The following COBL variants were observed in gnomAD, a reference collection of about 807,000 sequenced individuals.
COBL encodes the protein protein cordon-bleu.
Under a neutral mutation model 98.8 loss-of-function variants are expected in COBL, and 51 were observed. That is an observed-to-expected ratio of 0.52 (90% CI 0.41 to 0.65). The LOEUF is 0.65. Among genes scored for constraint, COBL ranks in the 30% least tolerant of loss-of-function variants. The probability of loss-of-function intolerance (pLI) is 0.00; values close to 1 mark genes in which losing one functional copy is unlikely to be tolerated. For synonymous variants in COBL, 634 were observed against 651.7 expected, an observed-to-expected ratio of 0.97 and a Z score of 0.41; for missense variants, 1,617 against 1,617.5, an observed-to-expected ratio of 1.00 and a Z score of 0.01.
chr7:51,064,556 G>A (rs1295995510), intron 7 of COBL: 1 of 152,452 alleles, frequency 6.6e-6, no homozygotes. Flanking sequence ...GCTACAATAT[G>A]GATAAACTTC....
intron 1 of COBL, among the ~76,000 whole-genome samples, chr7:51,254,648 T>A (rs887391664): frequency 6.6e-6 from 1 of 152,170 alleles, no homozygotes; most frequent in African/African-American, 2.4e-5. Context: ...GATTCTAGAA[T>A]GGTTGACTAC....
chr7:51,283,102 C>T (rs2129178378), intron 1 of COBL, among the ~76,000 whole-genome samples: 1 of 152,142 alleles, frequency 6.6e-6, no homozygotes, highest in African/African-American at 2.4e-5. Flanking sequence ...ATTTAAACCT[C>T]CATTTAAATC....
At position 51,025,163 on chromosome 7, in the gene COBL, C is replaced by T. The variant is rs1462643414; in HGVS notation, c.3714G>A (p.Arg1238=). Residue 1238 remains arginine, a synonymous_variant, in exon 12 of 13, where the codon AGG becomes AGA. Coordinates refer to ENST00000265136, the MANE Select transcript of COBL (RefSeq NM_015198.5). The part of the protein sequence containing the change: ...TGTLSNTADA[R]QALMDAIRSG... ...AGCGGATGGCGTCCATCAAGGCTTGCCTTGCGTCTGCGGTGTTGCTGAGGG... is the reference window on the plus strand; with the variant it reads ...AGCGGATGGCGTCCATCAAGGCTTGTCTTGCGTCTGCGGTGTTGCTGAGGG... 2 of 1,610,028 alleles carry T rather than the reference C, an allele frequency of 1.2e-6. No individual in the cohort carries two copies. The highest frequency in any genetic ancestry group is 1.7e-6 in the Non-Finnish European group (2 of 1,178,882).
chr7:51,189,420 G>C (rs1227901619), intron 4 of COBL, among the ~76,000 whole-genome samples: 1 of 152,166 alleles, frequency 6.6e-6, no homozygotes, highest in African/African-American at 2.4e-5. Context: ...GATCACCTGA[G>C]GTCAGGAGTT....
At chr7:51,172,393 G>T (rs1787956719) in intron 5 of COBL, 1 of 1,060,942 alleles carries the variant, frequency 9.4e-7, no homozygotes, top group African/African-American at 1.6e-5. Context: ...TATCTGGAAG[G>T]TCGCGCAAAG....
At chr7:51,160,447 C>A (rs1396107035) in intron 5 of COBL, among the ~76,000 whole-genome samples, 1 of 152,116 alleles carries the variant, frequency 6.6e-6, no homozygotes, top group East Asian at 1.9e-4. Context: ...AGGTGTCTTT[C>A]ATAAAGAAAA....
chr7:51,069,564 A>G (rs1003545998), intron 7 of COBL, among the ~76,000 whole-genome samples: 1 of 152,226 alleles, frequency 6.6e-6, no homozygotes, highest in Non-Finnish European at 1.5e-5. Context: ...CTCTTTACAC[A>G]TTCCAGGAAG....
chr7:51,236,517 G>A (rs1005451451), intron 1 of COBL, among the ~76,000 whole-genome samples: 1 of 152,138 alleles, frequency 6.6e-6, no homozygotes, highest in Non-Finnish European at 1.5e-5. Context: ...GAATGAAGCA[G>A]CTCATGACTG....
intron 6 of COBL, among the ~76,000 whole-genome samples, chr7:51,114,460 T>G (rs1487400972): frequency 6.6e-6 from 1 of 152,056 alleles, no homozygotes; most frequent in Non-Finnish European, 1.5e-5. Context: ...ATACTTAGAA[T>G]AAAACTTTAA....
chr7:51,301,157 G>T (rs185735686), intron 1 of COBL, among the ~76,000 whole-genome samples: 1 of 152,136 alleles, frequency 6.6e-6, no homozygotes, highest in African/African-American at 2.4e-5. Flanking sequence ...TCCCTCCGGC[G>T]CTGCCCTGGG....
intron 5 of COBL, among the ~76,000 whole-genome samples, chr7:51,157,547 T>C (rs1013353191): frequency 2.0e-5 from 3 of 152,174 alleles, no homozygotes; most frequent in Admixed American, 6.6e-5. Context: ...GGGCAAGTGG[T>C]TGGAGAGGCG....
At chr7:51,115,924 T>A (rs1031814688) in intron 6 of COBL, among the ~76,000 whole-genome samples, 1 of 152,116 alleles carries the variant, frequency 6.6e-6, no homozygotes, top group Non-Finnish European at 1.5e-5. Context: ...TATATGAGTA[T>A]GAAATCTTCC....
chr7:51,209,430 C>T (rs1045781851), intron 2 of COBL, among the ~76,000 whole-genome samples: 6 of 152,208 alleles, frequency 3.9e-5, no homozygotes, highest in Admixed American at 2.6e-4. Flanking sequence ...AGCCCCAACC[C>T]TCCAGAACCC....
At chr7:51,235,198 T>C (rs1795135821) in intron 1 of COBL, among the ~76,000 whole-genome samples, 1 of 152,168 alleles carries the variant, frequency 6.6e-6, no homozygotes, top group South Asian at 2.1e-4. Context: ...ACACACCATC[T>C]TCGTATGCAC....
intron 6 of COBL, among the ~76,000 whole-genome samples, chr7:51,097,228 A>C (rs147685859): frequency 6.6e-6 from 1 of 152,172 alleles, no homozygotes; most frequent in Non-Finnish European, 1.5e-5. Context: ...AAAGACAAAA[A>C]CCATACAAAA....
At chr7:51,141,273 T>C (rs1303272424) in intron 5 of COBL, among the ~76,000 whole-genome samples, 1 of 152,216 alleles carries the variant, frequency 6.6e-6, no homozygotes, top group Non-Finnish European at 1.5e-5. Flanking sequence ...ATTCAGATGT[T>C]GATTTCTGTT....
At chr7:51,202,245 C>T (rs6969845) in intron 2 of COBL, among the ~76,000 whole-genome samples, 1 of 152,072 alleles carries the variant, frequency 6.6e-6, no homozygotes, top group African/African-American at 2.4e-5. Flanking sequence ...TTGCTAAGAT[C>T]TAGGGTAAAA....
At chr7:51,246,327 G>A (rs1263069267) in intron 1 of COBL, among the ~76,000 whole-genome samples, 2 of 152,180 alleles carry the variant, frequency 1.3e-5, no homozygotes, top group Non-Finnish European at 2.9e-5. Flanking sequence ...CGCCTCCTCT[G>A]TCCCTGACAG....
At chr7:51,265,443 G>C (rs933078520) in intron 1 of COBL, among the ~76,000 whole-genome samples, 10 of 152,208 alleles carry the variant, frequency 6.6e-5, no homozygotes, top group Admixed American at 6.5e-4. Context: ...AGGCTGGATG[G>C]GGACAGGCTG....
Sources: gnomAD v4.1 joint callset for allele counts (sites outside exome capture counted in the v4.1 genomes callset) on GRCh38, gnomAD v4.1.1 for gene constraint, MANE v1.5 for transcripts, NCBI Gene and HGNC (gene_info 2026-07-23, HGNC 2026-07-21) for gene names.